Variants in ARID3B observed in about 807,000 individuals in gnomAD.
ARID3B encodes the protein AT-rich interactive domain-containing protein 3B.
ARID3B carries 10 observed loss-of-function variants against 51.9 expected under a neutral mutation model. The ratio of observed to expected loss-of-function variants is 0.19; its 90% CI spans 0.12 to 0.33. ARID3B has a LOEUF of 0.33. Ranked by LOEUF, ARID3B falls within the 10% of genes least tolerant of loss-of-function variation. ARID3B has a pLI of 1.00. For synonymous variants in ARID3B, 205 were observed against 279.5 expected (o/e 0.73, Z 2.66); for missense variants, 483 against 716.3 (o/e 0.67, Z 3.72).
At chr15:74,590,031 A>C (rs199714778) in intron 5 of ARID3B, 28 bp downstream of exon 5, 1 of 1,570,168 alleles carries the variant, frequency 6.4e-7, no homozygotes, top group East Asian at 2.3e-5. Flanking sequence ...GGGAGAAGGA[A>C]GCTGAGGCTG....
chr15:74,550,617 G>A (rs1398936076), intron 2 of ARID3B, among the ~76,000 whole-genome samples: 1 of 151,776 alleles, frequency 6.6e-6, no homozygotes, highest in Non-Finnish European at 1.5e-5. Flanking sequence ...TGAGGCAGGA[G>A]AGTGGCATGA....
intron 2 of ARID3B, among the ~76,000 whole-genome samples, chr15:74,561,999 A>G (rs1479145146): frequency 6.7e-6 from 1 of 148,526 alleles, no homozygotes; most frequent in East Asian, 2.0e-4. Context: ...AAGGTAGGCT[A>G]GGTTGCACTC....
At chr15:74,575,460 A>T (rs2061734281) in intron 4 of ARID3B, among the ~76,000 whole-genome samples, 1 of 152,226 alleles carries the variant, frequency 6.6e-6, no homozygotes, top group African/African-American at 2.4e-5. Context: ...CTGTGTGAGC[A>T]GTCTTGTTGG....
At chr15:74,594,626 CAGGGCCTACTCCCATTCTA>C (rs568139602) in intron 8 of ARID3B, among the ~76,000 whole-genome samples, 1,630 of 152,386 alleles carry the variant, frequency 0.011, 15 homozygotes, top group Non-Finnish European at 0.017. Flanking sequence ...AGTGTTTCCT[CAGGGCCTACTCCCATTCTA>C]AGGGCCACAC....
intron 2 of ARID3B, among the ~76,000 whole-genome samples, chr15:74,552,674 T>C (rs965170242): frequency 6.6e-5 from 10 of 152,140 alleles, no homozygotes; most frequent in Non-Finnish European, 1.5e-4. Context: ...CAGAATGTTA[T>C]ATGGTGGGAT....
chr15:74,589,690 T>G, intron 4 of ARID3B, 130 bp from the exon 5 acceptor site: 1 of 977,426 alleles, frequency 1.0e-6, no homozygotes, highest in Non-Finnish European at 1.5e-6. Context: ...GCTTGGGGAG[T>G]TTGAGTTAAA....
At chr15:74,562,364 C>A (rs951885776) in intron 2 of ARID3B, among the ~76,000 whole-genome samples, 1 of 152,234 alleles carries the variant, frequency 6.6e-6, no homozygotes, top group Non-Finnish European at 1.5e-5. Context: ...TAGTCTCGAA[C>A]TCCTGTCCTC....
intron 2 of ARID3B, among the ~76,000 whole-genome samples, chr15:74,569,339 CATTATTATTATTATT>C (rs537321709): frequency 6.6e-6 from 1 of 151,594 alleles, no homozygotes; most frequent in Admixed American, 6.6e-5. Context: ...GCTCCCTCTT[CATTATTATTATTATT>C]ATTATTATTT....
At chr15:74,575,940 CA>C (rs2061736005) in intron 4 of ARID3B, among the ~76,000 whole-genome samples, 1 of 152,182 alleles carries the variant, frequency 6.6e-6, no homozygotes, top group Admixed American at 6.6e-5. Context: ...TCTGTTGCCT[CA>C]GCTGGAGTGC....
chr15:74,543,127 C>T (rs1567113499), intron 1 of ARID3B, among the ~76,000 whole-genome samples: 2 of 152,184 alleles, frequency 1.3e-5, no homozygotes, highest in South Asian at 4.1e-4. Context: ...GGAATTCCCC[C>T]GTTTGCTTTT....
At chr15:74,556,780 T>G (rs993684289) in intron 2 of ARID3B, among the ~76,000 whole-genome samples, 8 of 146,702 alleles carry the variant, frequency 5.5e-5, no homozygotes, top group Non-Finnish European at 1.0e-4. Context: ...TTTTTTGTTT[T>G]TTTTTTTTTT....
At position 74,591,104 on chromosome 15, in the gene ARID3B, CTGG is replaced by C; in HGVS notation, c.882-44_882-42del. 6.5e-7 allele frequency: 1 copy of C among 1,545,944 alleles called. No individual in the cohort carries two copies. Among genetic ancestry groups the C allele is most frequent in the Non-Finnish European group, 8.8e-7 (1 of 1,141,412 alleles). ...CCCACCAACCTCAACTGGGTGGTCT[CTGG>C]TGCTGTTTTGGATTATTCTCCCTGC... On this transcript the variant is annotated intron_variant, in intron 5 of 8. Transcript: ENST00000346246. This position sits in a 1 kb window ranked among gnomAD's most constrained non-coding sequence, Gnocchi z 5.8.
chr15:74,570,007 G>A (rs1255619464), intron 2 of ARID3B, among the ~76,000 whole-genome samples: 1 of 152,150 alleles, frequency 6.6e-6, no homozygotes, highest in Non-Finnish European at 1.5e-5. Context: ...GTTCCTATCT[G>A]TGGAATGGGT....
chr15:74,552,075 T>C (rs1214397415), intron 2 of ARID3B, among the ~76,000 whole-genome samples: 1 of 142,152 alleles, frequency 7.0e-6, no homozygotes, highest in Non-Finnish European at 1.5e-5. Context: ...TTTTTTTTTT[T>C]TTCTGAGACG....
chr15:74,562,570 TGG>T (rs1567119279), intron 2 of ARID3B, among the ~76,000 whole-genome samples: 1 of 152,210 alleles, frequency 6.6e-6, no homozygotes, highest in African/African-American at 2.4e-5. Flanking sequence ...CACTGCAGCC[TGG>T]AACTCCCAGT....
rs1324142994 is a variant in ARID3B, at chr15:74,544,064, C to A, written c.128C>A (p.Ala43Asp). Reference sequence around the variant, plus strand: ...ATGAGAGAAGCCCAGTTCTTGTATGCCCAAAAGCTGGTCACACAGCCGACT... The same window carrying A: ...ATGAGAGAAGCCCAGTTCTTGTATGACCAAAAGCTGGTCACACAGCCGACT... ...QQMREAQFLY[A>D]QKLVTQPTLL... Residue 43 changes from alanine to aspartate, a missense_variant, in exon 2 of 9, where the codon GCC becomes GAC. Physicochemically the swap from Ala to Asp is moderately radical, Grantham distance 126. Coordinates refer to ENST00000346246, the MANE Select transcript of ARID3B (RefSeq NM_006465.4). 1 of 1,613,772 alleles carries A rather than the reference C, an allele frequency of 6.2e-7. No individual in the cohort carries two copies. Among genetic ancestry groups the A allele is most frequent in the Non-Finnish European group, 8.5e-7 (1 of 1,179,872 alleles).
At chr15:74,561,309 G>T (rs1370767345) in intron 2 of ARID3B, among the ~76,000 whole-genome samples, 1 of 152,218 alleles carries the variant, frequency 6.6e-6, no homozygotes, top group Non-Finnish European at 1.5e-5. Flanking sequence ...TGAATAGAAT[G>T]AATAGGAATC....
intron 4 of ARID3B, among the ~76,000 whole-genome samples, chr15:74,579,089 G>T (rs1159488000): frequency 1.3e-5 from 2 of 152,218 alleles, no homozygotes; most frequent in African/African-American, 4.8e-5. Context: ...ACAGCAGGCC[G>T]CCCCGAATGA....
chr15:74,593,540 C>T (rs770454170), intron 8 of ARID3B, among the ~76,000 whole-genome samples: 8 of 152,200 alleles, frequency 5.3e-5, no homozygotes, highest in Non-Finnish European at 1.2e-4. Context: ...TCATGCACAG[C>T]CTTTCTCTGA....
Sources: gnomAD v4.1 joint callset for allele counts (sites outside exome capture counted in the v4.1 genomes callset) on GRCh38, gnomAD v4.1.1 for gene constraint, Gnocchi (gnomAD v3.1) non-coding constraint, MANE v1.5 for transcripts, NCBI Gene and HGNC (gene_info 2026-07-23, HGNC 2026-07-21) for gene names.